The following DOCK3 variants were observed in gnomAD, a reference collection of about 807,000 sequenced individuals.
DOCK3 encodes the protein dedicator of cytokinesis 3.
Under a neutral mutation model 265.6 loss-of-function variants are expected in DOCK3, and 60 were observed. The observed-to-expected ratio is 0.23, with a 90% CI of 0.18 to 0.28. DOCK3 has a LOEUF of 0.28. Ranked by LOEUF, DOCK3 falls within the 10% of genes least tolerant of loss-of-function variation. The pLI is 1.00. For missense variants in DOCK3, 1,981 were observed against 2,594.3 expected (o/e 0.76, Z 5.14); for synonymous variants, 881 against 938.0 (o/e 0.94, Z 1.11).
intron 6 of DOCK3, among the ~76,000 whole-genome samples, chr3:51,071,782 T>C (rs1210227490): frequency 6.6e-6 from 1 of 152,192 alleles, no homozygotes; most frequent in Non-Finnish European, 1.5e-5. Context: ...CTGCATTCGA[T>C]GTTCACTATT....
At chr3:51,150,917 GTC>G (rs1167751384) in intron 10 of DOCK3, among the ~76,000 whole-genome samples, 4 of 152,186 alleles carry the variant, frequency 2.6e-5, no homozygotes, top group Non-Finnish European at 5.9e-5. Flanking sequence ...TCGTTGATCT[GTC>G]TAATGTTGAC....
chr3:51,246,529 G>A (rs1449965455), intron 21 of DOCK3, among the ~76,000 whole-genome samples, 197 bp from the exon 22 acceptor site: 1 of 152,244 alleles, frequency 6.6e-6, no homozygotes, highest in Non-Finnish European at 1.5e-5. Flanking sequence ...TGATTAAAAT[G>A]TGGCAACTCC....
chr3:51,288,921 T>TGTGG (rs2081575762), intron 27 of DOCK3, among the ~76,000 whole-genome samples: 1 of 151,622 alleles, frequency 6.6e-6, no homozygotes, highest in Non-Finnish European at 1.5e-5. Context: ...TGTGTGTGTG[T>TGTGG]GTGTGCCCAT....
At chr3:50,810,045 G>A (rs970163280) in intron 2 of DOCK3, among the ~76,000 whole-genome samples, 1 of 152,086 alleles carries the variant, frequency 6.6e-6, no homozygotes, top group East Asian at 1.9e-4. Context: ...TAAGGTGAGA[G>A]GATTGCTTGA....
intron 1 of DOCK3, among the ~76,000 whole-genome samples, chr3:50,703,858 GT>G (rs1229435738): frequency 6.6e-6 from 1 of 150,574 alleles, no homozygotes; most frequent in Non-Finnish European, 1.5e-5. Context: ...TTCTTTTCTA[GT>G]TCCTTGGAGG....
intron 27 of DOCK3, among the ~76,000 whole-genome samples, chr3:51,291,985 A>G (rs2081806413): frequency 6.6e-6 from 1 of 152,260 alleles, no homozygotes; most frequent in African/African-American, 2.4e-5. Flanking sequence ...TAACAGAATG[A>G]AGGAGAAAAA....
rs1215339753 is a variant in DOCK3, at chr3:51,138,085, G to C, written c.747-8464G>C. Among the ~76,000 whole-genome samples the C allele has an allele frequency of 2.0e-5, 3 of 152,168 alleles. No individual in the cohort carries two copies. In the East Asian group the frequency reaches 5.8e-4, roughly 29 times the overall value. ...TGGGTTGTGGGGTAAAATGTCACCT[G>C]TCCCCTTAATTCTTAAAACATATAC... On this transcript the variant is annotated intron_variant, in intron 9 of 52. Transcript: ENST00000266037.
intron 27 of DOCK3, among the ~76,000 whole-genome samples, chr3:51,284,918 A>G (rs2081326416): frequency 6.6e-6 from 1 of 152,202 alleles, no homozygotes; most frequent in Non-Finnish European, 1.5e-5. Flanking sequence ...GTAGACATAC[A>G]ACGTTTGCAA....
At chr3:50,956,924 G>T (rs1199830977) in intron 5 of DOCK3, among the ~76,000 whole-genome samples, 1 of 151,986 alleles carries the variant, frequency 6.6e-6, no homozygotes, top group Admixed American at 6.6e-5. Context: ...GTGCAGTGAC[G>T]CCATTTCGGC....
At chr3:51,242,907 G>C (rs145026806) in intron 21 of DOCK3, among the ~76,000 whole-genome samples, 1 of 152,280 alleles carries the variant, frequency 6.6e-6, no homozygotes, top group Non-Finnish European at 1.5e-5. Flanking sequence ...AGTATGGGGA[G>C]GGGGCATGCA....
chr3:51,291,924 A>C (rs913861576), intron 27 of DOCK3, among the ~76,000 whole-genome samples: 2 of 152,228 alleles, frequency 1.3e-5, no homozygotes, highest in African/African-American at 4.8e-5. Context: ...TTATCGCTGG[A>C]ATACAAGGTT....
At chr3:51,184,304 T>A (rs2087469191) in intron 12 of DOCK3, among the ~76,000 whole-genome samples, 1 of 133,798 alleles carries the variant, frequency 7.5e-6, no homozygotes. Context: ...AGAGCAAAAG[T>A]CTGCTTTGAA....
At chr3:51,028,724 A>G (rs895236559) in intron 5 of DOCK3, among the ~76,000 whole-genome samples, 5 of 152,234 alleles carry the variant, frequency 3.3e-5, no homozygotes, top group Admixed American at 1.3e-4. Flanking sequence ...AAGGTTTCCA[A>G]TGCATTTTGA....
At chr3:50,720,531 A>G (rs996981454) in intron 1 of DOCK3, among the ~76,000 whole-genome samples, 15 of 152,146 alleles carry the variant, frequency 9.9e-5, no homozygotes, top group African/African-American at 3.6e-4. Flanking sequence ...TTCTTTATCC[A>G]GTCTGGCATT....
In DOCK3 at chr3:50,675,899, CCT is replaced by C. The variant is rs1369133649; in HGVS notation, c.37+600_37+601del. On this transcript the variant is annotated intron_variant, in intron 1 of 52. Coordinates refer to ENST00000266037, the MANE Select transcript of DOCK3 (RefSeq NM_004947.5). This position sits in a 1 kb window ranked among gnomAD's most constrained non-coding sequence, Gnocchi z 6.1. ...TGTTTATACGGTTTTTTTTTTAAAC[CCT>C]GTTTTCAGATGAGACCTTATTCCTC... Among the ~76,000 whole-genome samples the C allele has an allele frequency of 2.6e-5, 4 of 151,442 alleles. No homozygotes were observed. Among genetic ancestry groups the C allele is most frequent in the African/African-American group, 9.7e-5 (4 of 41,194 alleles).
chr3:50,819,219 T>C (rs892849917), intron 2 of DOCK3, among the ~76,000 whole-genome samples: 1 of 152,184 alleles, frequency 6.6e-6, no homozygotes, highest in African/African-American at 2.4e-5. Flanking sequence ...TGATTCCAGC[T>C]TCCAGTTTAC....
intron 9 of DOCK3, among the ~76,000 whole-genome samples, chr3:51,105,184 G>C (rs1400530453): frequency 6.6e-6 from 1 of 152,160 alleles, no homozygotes; most frequent in East Asian, 1.9e-4. Context: ...AGAGTGTTCT[G>C]TGCCAACTAA....
intron 12 of DOCK3, among the ~76,000 whole-genome samples, chr3:51,174,036 A>G (rs2086817903): frequency 6.6e-6 from 1 of 152,076 alleles, no homozygotes; most frequent in African/African-American, 2.4e-5. Flanking sequence ...CTTTGAGTTC[A>G]CTAATTCTTT....
At chr3:51,183,632 ATAAAT>A (rs773838823) in intron 12 of DOCK3, among the ~76,000 whole-genome samples, 180 of 152,352 alleles carry the variant, frequency 1.2e-3, no homozygotes, top group Non-Finnish European at 2.1e-3. Flanking sequence ...AAAACCAAAC[ATAAAT>A]TAATTATAAT....
Sources: allele counts gnomAD v4.1 joint callset (sites outside exome capture counted in the v4.1 genomes callset), GRCh38; gene constraint gnomAD v4.1.1; non-coding constraint Gnocchi (gnomAD v3.1); transcripts MANE v1.5; gene names NCBI Gene and HGNC (gene_info 2026-07-23, HGNC 2026-07-21).